Variants in NSMCE2 observed in about 807,000 individuals in gnomAD.
NSMCE2 encodes the protein NSE2 SUMO ligase component of SMC5/6 complex.
In NSMCE2, 24 loss-of-function variants were observed where a neutral mutation model predicts 23.8. That is an observed-to-expected ratio of 1.01 (90% confidence interval 0.73 to 1.42). The LOEUF (loss-of-function observed/expected upper bound fraction) is 1.42. Ranked by LOEUF, NSMCE2 falls within the 40% of genes most tolerant of loss-of-function variation. NSMCE2 has a pLI of 0.00. For missense variants in NSMCE2, 284 were observed against 296.5 expected (o/e 0.96, Z 0.31); for synonymous variants, 92 against 94.1 (o/e 0.98, Z 0.13).
At chr8:125,156,116 TAA>T in intron 4 of NSMCE2, 8 of 258,056 alleles carry the variant, frequency 3.1e-5, no homozygotes, top group South Asian at 1.0e-4. Flanking sequence ...TCCATCTCTT[TAA>T]AAAAAAAAAT....
intron 3 of NSMCE2, among the ~76,000 whole-genome samples, chr8:125,127,943 T>C (rs889472343): frequency 3.9e-5 from 6 of 152,260 alleles, no homozygotes; most frequent in African/African-American, 7.2e-5. Context: ...TAAGTACTTA[T>C]GTGTGGAATT....
chr8:125,247,674 G>A (rs761224534), intron 5 of NSMCE2, among the ~76,000 whole-genome samples: 7 of 150,904 alleles, frequency 4.6e-5, no homozygotes, highest in African/African-American at 9.8e-5. Flanking sequence ...GCAGTGAGCC[G>A]AGATTGCATC....
At chr8:125,354,518 CAATGGTTTTT>C (rs974654842) in intron 5 of NSMCE2, among the ~76,000 whole-genome samples, 1 of 152,112 alleles carries the variant, frequency 6.6e-6, no homozygotes, top group Non-Finnish European at 1.5e-5. Context: ...TGAAGCCAAC[CAATGGTTTTT>C]AAGGTCTCAG....
At chr8:125,253,984 C>T (rs540896949) in intron 5 of NSMCE2, among the ~76,000 whole-genome samples, 2 of 152,274 alleles carry the variant, frequency 1.3e-5, no homozygotes, top group East Asian at 1.9e-4. Context: ...GGATGCTTCT[C>T]AAAAGGCCTA....
chr8:125,250,560 A>G (rs1045578195), intron 5 of NSMCE2, among the ~76,000 whole-genome samples: 1 of 152,200 alleles, frequency 6.6e-6, no homozygotes, highest in Admixed American at 6.5e-5. Flanking sequence ...ATGAATTCAG[A>G]TTTGTCTTAA....
intron 3 of NSMCE2, among the ~76,000 whole-genome samples, chr8:125,133,372 C>T (rs563048618): frequency 1.3e-3 from 200 of 152,130 alleles, no homozygotes; most frequent in Middle Eastern, 3.4e-3. Flanking sequence ...CTGAAATAAT[C>T]CAGGGGTGTA....
At chr8:125,320,987 A>AG (rs1462032104) in intron 5 of NSMCE2, among the ~76,000 whole-genome samples, 3 of 151,898 alleles carry the variant, frequency 2.0e-5, no homozygotes, top group Non-Finnish European at 4.4e-5. Flanking sequence ...AGGAAGAGAG[A>AG]GGGGCTACGC....
intron 3 of NSMCE2, chr8:125,130,247 C>T (rs945381369): frequency 2.2e-6 from 1 of 455,968 alleles, no homozygotes; most frequent in Non-Finnish European, 4.4e-6. Flanking sequence ...GTCAAGGGCC[C>T]TTCTCATCAC....
At chr8:125,168,368 A>G (rs947513280) in intron 4 of NSMCE2, among the ~76,000 whole-genome samples, 1 of 152,214 alleles carries the variant, frequency 6.6e-6, no homozygotes, top group Non-Finnish European at 1.5e-5. Flanking sequence ...GACTGTCTAG[A>G]GTCTTTTCTG....
chr8:125,298,712 T>TTC (rs1554634248), intron 5 of NSMCE2, among the ~76,000 whole-genome samples: 124 of 148,732 alleles, frequency 8.3e-4, no homozygotes, highest in African/African-American at 2.8e-3. Flanking sequence ...TTTTTTTTTT[T>TTC]CCCCAGTTTA....
At chr8:125,205,341 A>ATG (rs1312662093) in intron 5 of NSMCE2, among the ~76,000 whole-genome samples, 4 of 152,200 alleles carry the variant, frequency 2.6e-5, no homozygotes, top group Non-Finnish European at 5.9e-5. Flanking sequence ...GGCAAATTTT[A>ATG]TGGTGGCTTT....
At chr8:125,337,884 CAAAA>C (rs35658538) in intron 5 of NSMCE2, among the ~76,000 whole-genome samples, 149 of 97,384 alleles carry the variant, frequency 1.5e-3, no homozygotes, top group African/African-American at 5.6e-3. Context: ...AACTCTATCT[CAAAA>C]AAAAAAAAAA....
chr8:125,221,416 G>A (rs553270196), intron 5 of NSMCE2, among the ~76,000 whole-genome samples: 1 of 152,096 alleles, frequency 6.6e-6, no homozygotes, highest in Non-Finnish European at 1.5e-5. Flanking sequence ...GCTAAGTTTT[G>A]TATTTTTTGT....
intron 5 of NSMCE2, among the ~76,000 whole-genome samples, chr8:125,255,424 T>C (rs759845121): frequency 1.1e-4 from 16 of 152,142 alleles, no homozygotes; most frequent in Non-Finnish European, 1.5e-4. Flanking sequence ...TCGAGACACC[T>C]AATCCTTCCT....
At chr8:125,211,095 A>G (rs1824319332) in intron 5 of NSMCE2, among the ~76,000 whole-genome samples, 1 of 152,124 alleles carries the variant, frequency 6.6e-6, no homozygotes, top group Admixed American at 6.6e-5. Flanking sequence ...CTCCTGCCCA[A>G]GACAGTCTCT....
chr8:125,168,514 A>G (rs1045331880), intron 4 of NSMCE2, among the ~76,000 whole-genome samples: 3 of 152,180 alleles, frequency 2.0e-5, no homozygotes, highest in Non-Finnish European at 2.9e-5. Flanking sequence ...GAAATCTATG[A>G]TGAAGGTGCT....
intron 3 of NSMCE2, among the ~76,000 whole-genome samples, chr8:125,137,649 G>A (rs555609380): frequency 4.2e-4 from 64 of 152,228 alleles, no homozygotes; most frequent in Middle Eastern, 6.8e-3. Flanking sequence ...TCTTAAGAGC[G>A]AATTTGACAA....
chr8:125,156,817 C>T (rs1004797415), intron 4 of NSMCE2, among the ~76,000 whole-genome samples: 1 of 152,154 alleles, frequency 6.6e-6, no homozygotes, highest in Non-Finnish European at 1.5e-5. Flanking sequence ...TTTGACATAG[C>T]ACTTCCCTGT....
intron 5 of NSMCE2, among the ~76,000 whole-genome samples, chr8:125,234,170 G>A (rs1825445707): frequency 6.6e-6 from 1 of 152,118 alleles, no homozygotes; most frequent in African/African-American, 2.4e-5. Context: ...TCCAGCCTGG[G>A]CGACAGAGCG....
Sources: gnomAD v4.1 joint callset for allele counts (sites outside exome capture counted in the v4.1 genomes callset) on GRCh38, gnomAD v4.1.1 for gene constraint, MANE v1.5 for transcripts, NCBI Gene and HGNC (gene_info 2026-07-23, HGNC 2026-07-21) for gene names.